The following SYNJ2 variants were observed in gnomAD, a reference collection of about 807,000 sequenced individuals.
SYNJ2 encodes polyphosphatidylinositol phosphatase SYNJ2.
SYNJ2 carries 116 observed loss-of-function variants against 141.3 expected under a neutral mutation model. The ratio of observed to expected loss-of-function variants is 0.82; its 90% CI spans 0.71 to 0.96. The LOEUF (loss-of-function observed/expected upper bound fraction) is 0.96. Ranked by LOEUF, SYNJ2 falls within the 40% of genes least tolerant of loss-of-function variation. The probability of loss-of-function intolerance (pLI) is 0.00; values close to 1 mark genes in which losing one functional copy is unlikely to be tolerated. For missense variants in SYNJ2, 1,873 were observed against 1,934.8 expected (o/e 0.97, Z 0.60); for synonymous variants, 745 against 777.7 (o/e 0.96, Z 0.70).
chr6:158,055,448 A>G (rs1780809886), intron 6 of SYNJ2, among the ~76,000 whole-genome samples: 3 of 151,972 alleles, frequency 2.0e-5, no homozygotes. Context: ...ACTCTCAGAG[A>G]TTTTACTATT....
chr6:158,067,667 G>A, intron 12 of SYNJ2: 2 of 985,420 alleles, frequency 2.0e-6, no homozygotes, highest in Middle Eastern at 5.2e-4. Context: ...TGGCCCATGT[G>A]TACATTCATG....
chr6:158,027,207 TG>T lies in SYNJ2; in HGVS notation c.215-1544del, dbSNP rs113410289. ...GAGAGGGTGGTGGAACTGGTTGTTTTGGGGGTCTCTTCCTGGAGTGTGGAGA... is the reference window on the plus strand; with the variant it reads ...GAGAGGGTGGTGGAACTGGTTGTTTTGGGGTCTCTTCCTGGAGTGTGGAGA... On this transcript the variant is annotated intron_variant, in intron 2 of 26. Coordinates refer to ENST00000355585, the MANE Select transcript of SYNJ2 (RefSeq NM_003898.4). This position sits in a 1 kb window ranked among gnomAD's most constrained non-coding sequence, Gnocchi z 4.6. The T allele has an allele frequency of 4.4e-3, 4,379 of 985,212 alleles. 101 individuals are homozygous for T. In the African/African-American group the frequency reaches 0.059, roughly 13 times the overall value. 61.0% of individuals were successfully genotyped at this position (985,212 alleles called of 1,614,324 possible).
chr6:158,040,738 C>G lies in SYNJ2; in HGVS notation c.712-2578C>G, dbSNP rs539678208. 6.6e-6 allele frequency among the ~76,000 whole-genome samples: 1 copy of G among 152,280 alleles called. No homozygotes were observed. Among genetic ancestry groups the G allele is most frequent in the South Asian group, 2.1e-4 (1 of 4,830 alleles). On this transcript the variant is annotated intron_variant, in intron 4 of 26. Coordinates refer to ENST00000355585, the MANE Select transcript of SYNJ2 (RefSeq NM_003898.4). This position sits in a 1 kb window ranked among gnomAD's most constrained non-coding sequence, Gnocchi z 4.2. Reference sequence around the variant, plus strand: ...TGTACCCCTGTGAGTTTTCCTGCCTCGTCGCTCTCTTTTTATGGCCATTAG... The same window carrying G: ...TGTACCCCTGTGAGTTTTCCTGCCTGGTCGCTCTCTTTTTATGGCCATTAG...
chr6:158,074,111 G>A (rs116676186), intron 15 of SYNJ2, among the ~76,000 whole-genome samples: 1,559 of 152,122 alleles, frequency 0.01, 31 homozygotes, highest in African/African-American at 0.035. Flanking sequence ...ATGGGAAGGA[G>A]GAGCTAGAGA....
intron 1 of SYNJ2, among the ~76,000 whole-genome samples, chr6:157,991,545 A>G (rs1777425858): frequency 6.6e-6 from 1 of 152,164 alleles, no homozygotes; most frequent in South Asian, 2.1e-4. Flanking sequence ...TCCGGGCCCC[A>G]ATATCTTAAT....
chr6:158,091,852 A>G (rs916161061), intron 25 of SYNJ2, among the ~76,000 whole-genome samples: 12 of 152,150 alleles, frequency 7.9e-5, no homozygotes, highest in Non-Finnish European at 1.8e-4. Context: ...AAGGCCACAT[A>G]GTGTACCATC....
chr6:158,037,647 C>A (rs546189634), intron 4 of SYNJ2, among the ~76,000 whole-genome samples: 4 of 152,004 alleles, frequency 2.6e-5, no homozygotes, highest in Non-Finnish European at 4.4e-5. Context: ...GTGATCTGCC[C>A]GCCTCGGCCT....
At chr6:158,014,540 A>G (rs9365723) in intron 1 of SYNJ2, among the ~76,000 whole-genome samples, 85,718 of 152,070 alleles carry the variant, frequency 0.56, 24,746 homozygotes, top group Middle Eastern at 0.74. Context: ...GTGTATTTTC[A>G]AGTTGTTGGC....
Position 158,069,562 on chromosome 6 carries a change from A to G in SYNJ2, c.1829A>G (p.Gln610Arg), listed in dbSNP as rs1781781983. ...ACCAACAAGAAGATGTGGGGTGAAC[A>G]GCTTCAGAAAGCCATCTCACGCTCT... is the stretch of plus-strand genomic sequence containing the variant. The part of the protein sequence containing the change: ...STTNKKMWGE[Q>R]LQKAISRSHR... The change falls in exon 14 of 27, where the codon CAG becomes CGG. Residue 610 changes from glutamine to arginine, a missense_variant. Physicochemically the swap from Gln to Arg is conservative, Grantham distance 43. Transcript: ENST00000355585. The G allele has an allele frequency of 6.2e-7, 1 of 1,613,836 alleles. No individual in the cohort carries two copies. The highest frequency in any genetic ancestry group is 8.5e-7 in the Non-Finnish European group (1 of 1,179,886).
Position 157,984,707 on chromosome 6 carries a change from G to A in SYNJ2, c.127+2619G>A, listed in dbSNP as rs1777134530. 2.0e-5 allele frequency among the ~76,000 whole-genome samples: 3 copies of A among 152,208 alleles called. No individual in the cohort carries two copies. The South Asian group carries it at 6.2e-4, about 32-fold the overall frequency. ...GCGTGAGCCACCATGCCTGACCCGA[G>A]AAGGTGAATTTTTACAAGAAGGCTG... On this transcript the variant is annotated intron_variant, in intron 1 of 26. Transcript: ENST00000355585.
intron 4 of SYNJ2, among the ~76,000 whole-genome samples, chr6:158,039,449 ACC>A (rs1356994923): frequency 6.6e-6 from 1 of 152,190 alleles, no homozygotes; most frequent in African/African-American, 2.4e-5. Flanking sequence ...CCTGCCTGGG[ACC>A]CTGTGAGATT....
intron 4 of SYNJ2, among the ~76,000 whole-genome samples, chr6:158,034,594 A>G (rs940598243): frequency 6.6e-6 from 1 of 152,234 alleles, no homozygotes; most frequent in Non-Finnish European, 1.5e-5. Flanking sequence ...CCCCACTCAG[A>G]GGAACATCAG....
intron 6 of SYNJ2, among the ~76,000 whole-genome samples, chr6:158,058,508 A>G (rs1401635749): frequency 6.6e-6 from 1 of 152,256 alleles, no homozygotes; most frequent in African/African-American, 2.4e-5. Context: ...AGCATAATGC[A>G]ATATAGCACT....
At position 158,068,527 on chromosome 6, in the gene SYNJ2, C is replaced by G. The variant is rs560505427; in HGVS notation, c.1718-120C>G. 4 of 1,066,576 alleles carry G rather than the reference C, an allele frequency of 3.8e-6. No homozygotes were observed. The East Asian group carries it at 9.7e-5, about 26-fold the overall frequency. 66.1% of individuals were successfully genotyped at this position (1,066,576 alleles called of 1,614,324 possible). ...AGTTCCCAGCAGCAATGGTAGCCAC[C>G]TGGAGTTGGACTCAGGCAGTGGACA... On this transcript the variant is annotated intron_variant, in intron 12 of 26. Transcript: ENST00000355585.
chr6:158,058,060 A>T (rs1780977729), intron 6 of SYNJ2, among the ~76,000 whole-genome samples: 1 of 152,252 alleles, frequency 6.6e-6, no homozygotes, highest in South Asian at 2.1e-4. Flanking sequence ...TTACTGCATA[A>T]GAAAAAAAAT....
At chr6:158,089,980 A>G (rs1783333054) in intron 25 of SYNJ2, 33 bp downstream of exon 25, 1 of 1,477,082 alleles carries the variant, frequency 6.8e-7, no homozygotes, top group Admixed American at 1.7e-5. Context: ...GGGAAAAACC[A>G]ATTCTCCTTT....
At chr6:158,067,287 G>A (rs1781627750) in intron 12 of SYNJ2, among the ~76,000 whole-genome samples, 1 of 152,236 alleles carries the variant, frequency 6.6e-6, no homozygotes, top group Admixed American at 6.5e-5. Context: ...CCAAAGTGCT[G>A]GGATTACAGG....
Position 158,096,578 on chromosome 6 carries a change from G to T in SYNJ2, c.*214G>T. 2.1e-6 allele frequency: 1 copy of T among 478,840 alleles called. No individual in the cohort carries two copies. The highest frequency in any genetic ancestry group is 3.8e-5 in the East Asian group (1 of 26,506). The allele number at this position is 478,840 out of a possible 1,614,324, so 29.7% of individuals were successfully genotyped here. A position where few individuals can be genotyped will look rare whatever the true frequency, so the allele number is the denominator to read the frequency against. On this transcript the variant is annotated 3_prime_UTR_variant, in exon 27 of 27. Transcript: ENST00000355585. ...TTCACTCAAGGCTTGTACATCTGAA[G>T]TTTGCTCTTCAAGGAATGGGAACCT...
chr6:158,088,735 A>G lies in SYNJ2; in HGVS notation c.3419A>G (p.Gln1140Arg). ...ACCCATGGACAGTATTCAATTTTGC[A>G]GACGGCAAGACTTCTACCAGGAGCA... ...SGTHGQYSIL[Q>R]TARLLPGAPQ... The change falls in exon 24 of 27, where the codon CAG becomes CGG. Residue 1140 changes from glutamine (Q) to arginine (R), a missense_variant. Transcript: ENST00000355585. 6.2e-7 allele frequency: 1 copy of G among 1,614,060 alleles called. No individual in the cohort carries two copies. Among genetic ancestry groups the G allele is most frequent in the South Asian group, 1.1e-5 (1 of 91,088 alleles).
Sources: gnomAD v4.1 joint callset for allele counts (sites outside exome capture counted in the v4.1 genomes callset) on GRCh38, gnomAD v4.1.1 for gene constraint, Gnocchi (gnomAD v3.1) non-coding constraint, MANE v1.5 for transcripts, NCBI Gene and HGNC (gene_info 2026-07-23, HGNC 2026-07-21) for gene names.